Variants in CCSER1 observed in about 807,000 individuals in gnomAD.
CCSER1 encodes the protein coiled-coil serine rich protein 1.
In CCSER1, 41 loss-of-function variants were observed where a neutral mutation model predicts 82.0. The ratio of observed to expected loss-of-function variants is 0.50; its 90% CI spans 0.39 to 0.65. The LOEUF (loss-of-function observed/expected upper bound fraction) is 0.65, where lower values mean the gene tolerates loss of function less well. Among genes scored for constraint, CCSER1 ranks in the 30% least tolerant of loss-of-function variants. The pLI is 0.00. For synonymous variants in CCSER1, 414 were observed against 383.9 expected (o/e 1.08, Z -0.92); for missense variants, 1,119 against 1,064.2 (o/e 1.05, Z -0.72).
At chr4:91,407,436 C>G (rs1752767564) in intron 10 of CCSER1, among the ~76,000 whole-genome samples, 1 of 152,166 alleles carries the variant, frequency 6.6e-6, no homozygotes, top group South Asian at 2.1e-4. Flanking sequence ...CAAGGACTTA[C>G]TGCCACTTTT....
chr4:91,435,219 C>T (rs1275568448), intron 10 of CCSER1, among the ~76,000 whole-genome samples: 2 of 152,084 alleles, frequency 1.3e-5, no homozygotes, highest in Non-Finnish European at 2.9e-5. Context: ...GTGGGAGAAT[C>T]ACTTGAGTCC....
chr4:90,805,770 A>G (rs1359448282), intron 7 of CCSER1, among the ~76,000 whole-genome samples: 1 of 152,208 alleles, frequency 6.6e-6, no homozygotes, highest in Non-Finnish European at 1.5e-5. Context: ...TTTCCTATCA[A>G]TGAATAATAT....
chr4:90,382,836 AT>A (rs1280297902), intron 3 of CCSER1, among the ~76,000 whole-genome samples: 2 of 152,044 alleles, frequency 1.3e-5, no homozygotes, highest in Non-Finnish European at 2.9e-5. Context: ...TAACTAAAAA[AT>A]GTTACATTTT....
chr4:91,384,531 T>A (rs1751150040), intron 10 of CCSER1, among the ~76,000 whole-genome samples: 1 of 152,012 alleles, frequency 6.6e-6, no homozygotes, highest in South Asian at 2.1e-4. Flanking sequence ...TAGGATAAGA[T>A]ACAATTAGAT....
intron 3 of CCSER1, among the ~76,000 whole-genome samples, chr4:90,341,288 A>T (rs1040531577): frequency 1.3e-5 from 2 of 152,040 alleles, no homozygotes; most frequent in Non-Finnish European, 2.9e-5. Context: ...ATCTTATGAG[A>T]GTTTTATTAT....
intron 10 of CCSER1, among the ~76,000 whole-genome samples, chr4:91,093,738 C>A (rs536399070): frequency 6.6e-6 from 1 of 152,322 alleles, no homozygotes; most frequent in Non-Finnish European, 1.5e-5. Context: ...TTTGTCAAAT[C>A]TGGTAGTCCT....
At chr4:90,866,784 G>C (rs1384975525) in intron 8 of CCSER1, among the ~76,000 whole-genome samples, 1 of 152,024 alleles carries the variant, frequency 6.6e-6, no homozygotes, top group Non-Finnish European at 1.5e-5. Flanking sequence ...TGTATCGGGG[G>C]TGGAGCAGGG....
At chr4:90,300,147 G>T (rs1435524828) in intron 1 of CCSER1, among the ~76,000 whole-genome samples, 1 of 152,046 alleles carries the variant, frequency 6.6e-6, no homozygotes, top group Non-Finnish European at 1.5e-5. Flanking sequence ...TTGATAATTT[G>T]TTTTCAAATG....
intron 10 of CCSER1, among the ~76,000 whole-genome samples, chr4:91,413,483 A>G (rs974441216): frequency 3.3e-5 from 5 of 151,868 alleles, no homozygotes; most frequent in Admixed American, 2.6e-4. Context: ...ATATAGGCCA[A>G]TCAGAACAAG....
chr4:90,220,989 A>G (rs1742039696), intron 1 of CCSER1, among the ~76,000 whole-genome samples: 1 of 152,174 alleles, frequency 6.6e-6, no homozygotes, highest in African/African-American at 2.4e-5. Flanking sequence ...AATTTTTTGC[A>G]TTTTGAAGAT....
At chr4:90,335,800 G>A (rs1185700603) in intron 3 of CCSER1, among the ~76,000 whole-genome samples, 3 of 152,006 alleles carry the variant, frequency 2.0e-5, no homozygotes, top group Admixed American at 6.6e-5. Flanking sequence ...GTTCTCTGTT[G>A]CAACACACAA....
chr4:91,016,753 A>G (rs901910390), intron 9 of CCSER1, among the ~76,000 whole-genome samples: 18 of 152,160 alleles, frequency 1.2e-4, no homozygotes, highest in African/African-American at 4.3e-4. Context: ...TATAAATTAC[A>G]TGTCCCTAAC....
At chr4:90,273,602 G>C (rs1726998204) in intron 1 of CCSER1, among the ~76,000 whole-genome samples, 1 of 152,106 alleles carries the variant, frequency 6.6e-6, no homozygotes, top group African/African-American at 2.4e-5. Context: ...CTAAAACCAA[G>C]TTGTATAGTT....
intron 5 of CCSER1, among the ~76,000 whole-genome samples, chr4:90,476,313 C>T (rs189647614): frequency 6.9e-4 from 105 of 152,250 alleles, no homozygotes; most frequent in Admixed American, 2.1e-3. Flanking sequence ...GTCCAGAAAT[C>T]GCTGCTCAAA....
chr4:91,315,179 G>C (rs1400356600), intron 10 of CCSER1, among the ~76,000 whole-genome samples: 3 of 147,068 alleles, frequency 2.0e-5, no homozygotes, highest in Non-Finnish European at 4.5e-5. Flanking sequence ...GTGTGTGTGT[G>C]TAAGTGTGTA....
chr4:90,804,739 A>G (rs1757290607), intron 7 of CCSER1, among the ~76,000 whole-genome samples: 1 of 152,202 alleles, frequency 6.6e-6, no homozygotes, highest in African/African-American at 2.4e-5. Context: ...TACAGGCAAA[A>G]TGCATTATAA....
intron 10 of CCSER1, among the ~76,000 whole-genome samples, chr4:91,355,732 T>G (rs1261869533): frequency 6.6e-6 from 1 of 152,160 alleles, no homozygotes; most frequent in Non-Finnish European, 1.5e-5. Flanking sequence ...GCAGGGCTTG[T>G]CATCTTCTTT....
chr4:90,413,981 A>AAATATATAT (rs1560481885), intron 4 of CCSER1, among the ~76,000 whole-genome samples: 1 of 52,454 alleles, frequency 1.9e-5, no homozygotes, highest in Non-Finnish European at 3.0e-5. Flanking sequence ...AAAAAAAAAA[A>AAATATATAT]ATATATATAT....
intron 7 of CCSER1, among the ~76,000 whole-genome samples, chr4:90,783,278 G>T (rs1001620793): frequency 2.0e-4 from 31 of 152,026 alleles, no homozygotes; most frequent in African/African-American, 6.5e-4. Flanking sequence ...TATTTCTTGG[G>T]CTCATCAGAT....
Sources: gnomAD v4.1 joint callset for allele counts (sites outside exome capture counted in the v4.1 genomes callset) on GRCh38, gnomAD v4.1.1 for gene constraint, MANE v1.5 for transcripts, NCBI Gene and HGNC (gene_info 2026-07-23, HGNC 2026-07-21) for gene names.